TMC5: variants seen among roughly 807,000 people sequenced by gnomAD.
TMC5 encodes the protein transmembrane channel like 5, also known as transmembrane channel-like protein 5.
TMC5 carries 86 observed loss-of-function variants against 110.5 expected under a neutral mutation model. The observed-to-expected ratio is 0.78, with a 90% CI of 0.65 to 0.93. The LOEUF is 0.93. TMC5 is among the 40% of genes least tolerant of loss of function. TMC5 has a pLI of 0.00. For synonymous variants in TMC5, 455 were observed against 439.5 expected (o/e 1.04, Z -0.44); for missense variants, 1,144 against 1,222.8 (o/e 0.94, Z 0.96).
chr16:19,464,897 C>A (rs1407775786), intron 8 of TMC5, among the ~76,000 whole-genome samples: 3 of 151,110 alleles, frequency 2.0e-5, no homozygotes, highest in Admixed American at 1.3e-4. Flanking sequence ...AAAAAAAAAA[C>A]CAAATAGATG....
chr16:19,467,494 T>A (rs1285275839), intron 9 of TMC5, among the ~76,000 whole-genome samples: 3 of 152,140 alleles, frequency 2.0e-5, no homozygotes, highest in African/African-American at 7.2e-5. Context: ...TTAATTAATT[T>A]ATTTTGAGAT....
At chr16:19,432,801 A>G (rs1967221293) in intron 2 of TMC5, among the ~76,000 whole-genome samples, 1 of 152,202 alleles carries the variant, frequency 6.6e-6, no homozygotes, top group Non-Finnish European at 1.5e-5. Flanking sequence ...GGCTGATCAC[A>G]TATAACATCC....
At chr16:19,414,373 T>C (rs913640776), upstream of TMC5, among the ~76,000 whole-genome samples, 2 of 152,198 alleles carry the variant, frequency 1.3e-5, no homozygotes, top group African/African-American at 4.8e-5. Context: ...AAAAATTTAT[T>C]TATAAAAATA....
At position 19,436,797 on chromosome 16, in the gene TMC5, G is replaced by A. The variant is rs552510477; in HGVS notation, c.-79-3163G>A. 8.5e-5 allele frequency among the ~76,000 whole-genome samples: 13 copies of A among 152,250 alleles called. No individual in the cohort carries two copies. The South Asian group carries it at 2.7e-3, about 32-fold the overall frequency. ...TCATCAACATCTGGCTCCTCTTTCT[G>A]TTTATCTCTTGGTTCTGTTCTCCTC... On this transcript the variant is annotated intron_variant, in intron 2 of 21. Coordinates refer to ENST00000542583, the MANE Select transcript of TMC5 (RefSeq NM_001261841.2).
chr16:19,417,098 A>AAAAG (rs1693667125), upstream of TMC5, among the ~76,000 whole-genome samples: 2 of 148,978 alleles, frequency 1.3e-5, 1 homozygote, highest in African/African-American at 4.9e-5. Context: ...AGTCTTCAAA[A>AAAAG]AAAAAAAAAA....
At chr16:19,435,013 C>G (rs1967309473) in intron 2 of TMC5, among the ~76,000 whole-genome samples, 1 of 152,114 alleles carries the variant, frequency 6.6e-6, no homozygotes, top group South Asian at 2.1e-4. Flanking sequence ...GTATATTCAC[C>G]TAGAAGACCT....
intron 6 of TMC5, among the ~76,000 whole-genome samples, chr16:19,462,087 G>C (rs1388680168): frequency 6.6e-6 from 1 of 152,310 alleles, no homozygotes; most frequent in East Asian, 1.9e-4. Context: ...TGAGTTCATG[G>C]AAGGGTAAGG....
intron 15 of TMC5, among the ~76,000 whole-genome samples, chr16:19,485,307 GT>G (rs1434580819): frequency 1.3e-5 from 2 of 152,072 alleles, no homozygotes; most frequent in African/African-American, 4.8e-5. Flanking sequence ...TTTAGAGAGA[GT>G]TTAAGTAACT....
chr16:19,496,157 CAA>C (rs34143697), intron 20 of TMC5, among the ~76,000 whole-genome samples: 1 of 136,216 alleles, frequency 7.3e-6, no homozygotes, highest in Non-Finnish European at 1.5e-5. Flanking sequence ...GACTCCGTGT[CAA>C]AAAAAAAAAA....
At chr16:19,461,450 T>C (rs981175390) in intron 6 of TMC5, among the ~76,000 whole-genome samples, 4 of 152,060 alleles carry the variant, frequency 2.6e-5, no homozygotes, top group African/African-American at 9.7e-5. Flanking sequence ...GGCATGCGCC[T>C]GTAATCCCAG....
In TMC5 at chr16:19,487,291, C is replaced by G; in HGVS notation, c.2538C>G (p.Thr846=). The change falls in exon 17 of 22, where the codon ACC becomes ACG. Residue 846 remains threonine, a synonymous_variant. Coordinates refer to ENST00000542583, the MANE Select transcript of TMC5 (RefSeq NM_001261841.2). The part of the protein sequence containing the change: ...FIFLLFFPSF[T]GVLCTLAITI... Reference sequence around the variant, plus strand: ...TCTTGCTCTTTTTCCCATCCTTCACCGGGGTCTTGTGCACCCTGGCCATCA... The same window carrying G: ...TCTTGCTCTTTTTCCCATCCTTCACGGGGGTCTTGTGCACCCTGGCCATCA... The G allele has an allele frequency of 6.2e-7, 1 of 1,614,128 alleles. No homozygotes were observed. The highest frequency in any genetic ancestry group is 1.1e-5 in the South Asian group (1 of 91,070).
chr16:19,481,597 A>C, intron 15 of TMC5, 132 bp downstream of exon 15: 1 of 686,784 alleles, frequency 1.5e-6, no homozygotes. Context: ...CAGTCTGAGA[A>C]CCATGAATTT....
chr16:19,460,379 C>T (rs1295851568), intron 6 of TMC5, 45 bp downstream of exon 6: 1 of 1,328,976 alleles, frequency 7.5e-7, no homozygotes, highest in Non-Finnish European at 1.1e-6. Flanking sequence ...TCATGCGAAC[C>T]TCAATCCTCT....
intron 17 of TMC5, among the ~76,000 whole-genome samples, chr16:19,487,633 T>C (rs150698683): frequency 0.098 from 14,768 of 150,650 alleles, 774 homozygotes; most frequent in African/African-American, 0.14. Flanking sequence ...ACCCGGGAGG[T>C]GGAGGTTGCA....
intron 2 of TMC5, among the ~76,000 whole-genome samples, chr16:19,435,051 G>T (rs1046353325): frequency 4.6e-5 from 7 of 152,154 alleles, no homozygotes; most frequent in Admixed American, 3.9e-4. Flanking sequence ...GTTTTCATTG[G>T]TTCCGATTTT....
chr16:19,457,539 C>A (rs1468433031), intron 5 of TMC5, among the ~76,000 whole-genome samples: 1 of 152,010 alleles, frequency 6.6e-6, no homozygotes, highest in African/African-American at 2.4e-5. Flanking sequence ...TTGTGCTCTG[C>A]AGAGCACCTG....
At position 19,423,536 on chromosome 16, in the gene TMC5, A is replaced by G. The variant is rs141474709; in HGVS notation, c.-308+5444A>G. 2.3e-3 allele frequency among the ~76,000 whole-genome samples: 352 copies of G among 152,238 alleles called. 3 individuals are homozygous for G. The highest frequency in any genetic ancestry group is 8.1e-3 in the African/African-American group (337 of 41,556). ...CTGCATTTCCCCACTTCTAAAAATT[A>G]TTTTTTACATATTGTGGTTTATAAG... On this transcript the variant is annotated intron_variant, in intron 1 of 21. Coordinates refer to ENST00000542583, the MANE Select transcript of TMC5 (RefSeq NM_001261841.2).
intron 11 of TMC5, 107 bp from the exon 12 acceptor site, chr16:19,474,018 G>T (rs552146655): frequency 4.8e-6 from 5 of 1,048,892 alleles, no homozygotes; most frequent in African/African-American, 3.2e-5. Context: ...ATAGTTAACC[G>T]CAGAGGAGCT....
intron 1 of TMC5, among the ~76,000 whole-genome samples, chr16:19,422,955 A>G (rs1281645424): frequency 1.3e-5 from 2 of 152,066 alleles, no homozygotes. Flanking sequence ...CTGGATGTTA[A>G]TTAATTAAAA....
Sources: allele counts gnomAD v4.1 joint callset (sites outside exome capture counted in the v4.1 genomes callset), GRCh38; gene constraint gnomAD v4.1.1; transcripts MANE v1.5; gene names NCBI Gene and HGNC (gene_info 2026-07-23, HGNC 2026-07-21).